The following CARS1 variants were observed in gnomAD, a reference collection of about 807,000 sequenced individuals.
CARS1 encodes cysteinyl-tRNA synthetase 1, also known as cysteine--tRNA ligase, cytoplasmic.
CARS1 carries 48 observed loss-of-function variants against 106.2 expected under a neutral mutation model. The observed-to-expected ratio is 0.45, with a 90% CI of 0.36 to 0.57. The LOEUF (loss-of-function observed/expected upper bound fraction) is 0.57. Among genes scored for constraint, CARS1 ranks in the 20% least tolerant of loss-of-function variants. CARS1 has a pLI of 0.00. For synonymous variants in CARS1, 409 were observed against 403.4 expected, an observed-to-expected ratio of 1.01 and a Z score of -0.17; for missense variants, 968 against 1,057.2, an observed-to-expected ratio of 0.92 and a Z score of 1.17.
intron 18 of CARS1, chr11:3,009,294 A>G (rs1077335): frequency 0.33 from 49,795 of 152,232 alleles, 10,169 homozygotes; most frequent in East Asian, 0.63. Flanking sequence ...AGGCTGCAAC[A>G]TGGATAGACC....
chr11:3,053,943 T>C lies in CARS1; in HGVS notation c.25+3400A>G, dbSNP rs1855932237. 6.6e-6 allele frequency among the ~76,000 whole-genome samples: 1 copy of C among 152,174 alleles called. No homozygotes were observed. On this transcript the variant is annotated intron_variant, in intron 1 of 22. Coordinates refer to ENST00000380525, the MANE Select transcript of CARS1 (RefSeq NM_001014437.3). The surrounding 1 kb of genome is among the most constrained non-coding windows in gnomAD (Gnocchi z 6.6). ...CTCACCCTGCAGGTTACTCCCTTTC[T>C]GCAAATGTTCCCCTGGTCCCACCCT...
At position 3,057,349 on chromosome 11, in the gene CARS1, G is replaced by C; in HGVS notation, c.19C>G (p.Gln7Glu). 6.2e-7 allele frequency: 1 copy of C among 1,610,318 alleles called. No homozygotes were observed. The highest frequency in any genetic ancestry group is 8.5e-7 in the Non-Finnish European group (1 of 1,178,734). The change falls in exon 1 of 23, where the codon CAG (glutamine) becomes GAG (glutamate). Residue 7 changes from glutamine to glutamate, a missense_variant. Gln to Glu is a conservative substitution (Grantham distance 29). Transcript: ENST00000380525. The stretch of plus-strand genomic sequence containing the variant: ...GCCCGGCCGCGCCGCTCACCCTGCT[G>C]CCCGGAGGAATCTGCCATGGCTGGG... Reference protein sequence around the residue: MADSSGQQAPDYRSILS... With the variant: MADSSGEQAPDYRSILS...
At chr11:3,002,100 G>C in intron 21 of CARS1, 47 bp from the exon 22 acceptor site, 3 of 1,306,176 alleles carry the variant, frequency 2.3e-6, no homozygotes, top group Non-Finnish European at 2.2e-6. Context: ...GCAGCACCTG[G>C]GGCTCCGCAC....
Position 3,017,686 on chromosome 11 carries a change from C to G in CARS1, c.1727+171G>C. On this transcript the variant is annotated intron_variant, in intron 15 of 22. Coordinates refer to ENST00000380525, the MANE Select transcript of CARS1 (RefSeq NM_001014437.3). This position sits in a 1 kb window ranked among gnomAD's most constrained non-coding sequence, Gnocchi z 4.9. ...AAGAAATTCTCCATGCACTTCAACA[C>G]CCAGAGCAGCTCCCATTAGCAGAGC... 1 of 599,512 alleles carries G rather than the reference C, an allele frequency of 1.7e-6. No homozygotes were observed. The highest frequency in any genetic ancestry group is 2.1e-5 in the South Asian group (1 of 46,644). The allele number at this position is 599,512 out of a possible 1,614,324, so 37.1% of individuals were successfully genotyped here.
intron 2 of CARS1, among the ~76,000 whole-genome samples, chr11:3,047,256 G>A (rs1293502318): frequency 5.0e-5 from 7 of 139,412 alleles, no homozygotes; most frequent in East Asian, 4.2e-4. Context: ...CAGCCTGGGC[G>A]ATAGAGCGAG....
At position 3,005,939 on chromosome 11, in the gene CARS1, G is replaced by C. The variant is rs1184435603; in HGVS notation, c.2150-506C>G. Among the ~76,000 whole-genome samples the C allele has an allele frequency of 2.6e-5, 4 of 152,114 alleles. No individual in the cohort carries two copies. The South Asian group carries it at 6.2e-4, about 24-fold the overall frequency. On this transcript the variant is annotated intron_variant, in intron 19 of 22. Transcript: ENST00000380525. ...ACATTTTGTAACGAGAAGGTAGGAA[G>C]GTCTTGCCAGCCAGGAGTAGGAAAA... is the stretch of plus-strand genomic sequence containing the variant.
In CARS1 at chr11:3,041,302, A is replaced by G. The variant is rs1162070933; in HGVS notation, c.367-318T>C. ...CTGCTTATTTAACAATAACACAGCT[A>G]ATATTTACTGAGTACCTACCATGTG... On this transcript the variant is annotated intron_variant, in intron 3 of 22. Transcript: ENST00000380525. This position sits in a 1 kb window ranked among gnomAD's most constrained non-coding sequence, Gnocchi z 4.9. The G allele has an allele frequency of 5.4e-6, 2 of 372,394 alleles. No homozygotes were observed. Among genetic ancestry groups the G allele is most frequent in the African/African-American group, 2.1e-5 (1 of 47,684 alleles). The allele number at this position is 372,394 out of a possible 1,614,324, so 23.1% of individuals were successfully genotyped here.
intron 18 of CARS1, among the ~76,000 whole-genome samples, chr11:3,011,189 C>T (rs570434079): frequency 6.6e-6 from 1 of 152,366 alleles, no homozygotes; most frequent in Non-Finnish European, 1.5e-5. Flanking sequence ...CAGGAAGAAG[C>T]AAAGGCCTGC....
intron 22 of CARS1, among the ~76,000 whole-genome samples, chr11:3,001,453 G>A (rs959893504): frequency 1.3e-5 from 2 of 152,086 alleles, no homozygotes; most frequent in Middle Eastern, 3.2e-3. Flanking sequence ...GGAGAGGGGC[G>A]ACCAGAGTCT....
Position 3,020,264 on chromosome 11 carries a change from C to T in CARS1, c.1222G>A (p.Ala408Thr), listed in dbSNP as rs773923903. Residue 408 changes from alanine to threonine, a missense_variant, in exon 11 of 23, where the codon GCC becomes ACC. Transcript: ENST00000380525. The surrounding 1 kb of genome is among the most constrained non-coding windows in gnomAD (Gnocchi z 4.6). ...CAGGACGGTTCTCCGGGCTTAGAGG[C>T]CTTCCATAAGGCAAAGTCGTTGGGA... ...RSPNDFALWK[A>T]SKPGEPSWPC... 3.1e-6 allele frequency: 5 copies of T among 1,613,900 alleles called. No homozygotes were observed. The highest frequency in any genetic ancestry group is 4.2e-6 in the Non-Finnish European group (5 of 1,179,756).
In CARS1 at chr11:3,017,592, G is replaced by A. The variant is rs1392826097; in HGVS notation, c.1727+265C>T. The A allele has an allele frequency of 2.2e-5, 12 of 557,616 alleles. No individual in the cohort carries two copies. Among genetic ancestry groups the A allele is most frequent in the African/African-American group, 5.6e-5 (3 of 53,128 alleles). 34.5% of individuals were successfully genotyped at this position (557,616 alleles called of 1,614,324 possible). A position where few individuals can be genotyped will look rare whatever the true frequency, so the allele number is the denominator to read the frequency against. Reference sequence around the variant, plus strand: ...CGGGAGGTGGAGGTTGTGGTGAGCCGAGATCACGCCACTGCACTCCAGCCT... The same window carrying A: ...CGGGAGGTGGAGGTTGTGGTGAGCCAAGATCACGCCACTGCACTCCAGCCT... On this transcript the variant is annotated intron_variant, in intron 15 of 22. Coordinates refer to ENST00000380525, the MANE Select transcript of CARS1 (RefSeq NM_001014437.3). The surrounding 1 kb of genome is among the most constrained non-coding windows in gnomAD (Gnocchi z 4.9).
chr11:3,026,647 C>G (rs373417952), intron 10 of CARS1, 29 bp downstream of exon 10: 1 of 1,610,720 alleles, frequency 6.2e-7, no homozygotes, highest in East Asian at 2.2e-5. Flanking sequence ...GAGGGAGAGC[C>G]CACATGCTCT....
Position 3,057,002 on chromosome 11 carries a change from G to A in CARS1, c.25+341C>T, listed in dbSNP as rs148677960. ...CGCAGGAGTCCCAGGGGTCCCAGTG[G>A]CCGTCCCTCGGAGCCGGGCACCCGT... is the stretch of plus-strand genomic sequence containing the variant. On this transcript the variant is annotated intron_variant, in intron 1 of 22. Coordinates refer to ENST00000380525, the MANE Select transcript of CARS1 (RefSeq NM_001014437.3). Among the ~76,000 whole-genome samples the A allele has an allele frequency of 3.4e-4, 52 of 152,288 alleles. No homozygotes were observed. The East Asian group carries it at 8.3e-3, about 24-fold the overall frequency.
chr11:3,010,194 G>A (rs779724808), intron 18 of CARS1, among the ~76,000 whole-genome samples: 3 of 152,238 alleles, frequency 2.0e-5, no homozygotes, highest in South Asian at 4.1e-4. Context: ...CAGTGCCACC[G>A]AGCGGGAGCT....
chr11:3,042,876 C>T (rs529947528), intron 2 of CARS1, among the ~76,000 whole-genome samples: 48 of 152,336 alleles, frequency 3.2e-4, no homozygotes, highest in Admixed American at 2.4e-3. Context: ...GAAAGGACCC[C>T]CTGTGGCCAC....
rs1854822356 is a variant in CARS1, at chr11:3,044,075, C to T, written c.275-1819G>A. On this transcript the variant is annotated intron_variant, in intron 2 of 22. Transcript: ENST00000380525. This position sits in a 1 kb window ranked among gnomAD's most constrained non-coding sequence, Gnocchi z 4.4. ...ATGCCTGGAGGCATTCAACCGGCCA[C>T]TCTAGGATCCCATCACTCTCCTCCC... Among the ~76,000 whole-genome samples, 1 of 152,232 alleles carries T rather than the reference C, an allele frequency of 6.6e-6. No individual in the cohort carries two copies. The highest frequency in any genetic ancestry group is 6.5e-5 in the Admixed American group (1 of 15,284).
At chr11:3,006,838 G>C in intron 19 of CARS1, 41 bp downstream of exon 19, 1 of 1,517,444 alleles carries the variant, frequency 6.6e-7, no homozygotes, top group Non-Finnish European at 9.2e-7. Flanking sequence ...ACCTCTCCAA[G>C]CTCCTGGTAA....
In CARS1 at chr11:3,038,539, C is replaced by T. The variant is rs1479290917; in HGVS notation, c.652-340G>A. Among the ~76,000 whole-genome samples, 1 of 152,202 alleles carries T rather than the reference C, an allele frequency of 6.6e-6. No homozygotes were observed. On this transcript the variant is annotated intron_variant, in intron 6 of 22. Transcript: ENST00000380525. This position sits in a 1 kb window ranked among gnomAD's most constrained non-coding sequence, Gnocchi z 4.0. ...ACCCAGTGTGTTCTGAGGTGTGCTG[C>T]AGACACATCCATCAGGAAGGTACTC... is the stretch of plus-strand genomic sequence containing the variant.
Position 3,022,534 on chromosome 11 carries a change from C to T in CARS1, c.1154-2202G>A, listed in dbSNP as rs1049023092. Among the ~76,000 whole-genome samples the T allele has an allele frequency of 1.3e-5, 2 of 152,238 alleles. No homozygotes were observed. The highest frequency in any genetic ancestry group is 2.9e-5 in the Non-Finnish European group (2 of 68,048). On this transcript the variant is annotated intron_variant, in intron 10 of 22. Transcript: ENST00000380525. This position sits in a 1 kb window ranked among gnomAD's most constrained non-coding sequence, Gnocchi z 4.9. ...CCTGGTATCCCGGTATACTGACTCG[C>T]TGTGCATTGGGCAACAGACCTATTA...
Sources: gnomAD v4.1 joint callset for allele counts (sites outside exome capture counted in the v4.1 genomes callset) on GRCh38, gnomAD v4.1.1 for gene constraint, Gnocchi (gnomAD v3.1) non-coding constraint, MANE v1.5 for transcripts, NCBI Gene and HGNC (gene_info 2026-07-23, HGNC 2026-07-21) for gene names.